The following WASF3 variants were observed in gnomAD, a reference collection of about 807,000 sequenced individuals.
WASF3 encodes WASP family member 3, also known as actin-binding protein WASF3.
A neutral mutation model predicts 46.6 loss-of-function variants in WASF3; 11 were observed. The ratio of observed to expected loss-of-function variants is 0.24; its 90% CI spans 0.15 to 0.39. The LOEUF (loss-of-function observed/expected upper bound fraction) is 0.39, where lower values mean the gene tolerates loss of function less well. Ranked by LOEUF, WASF3 falls within the 10% of genes least tolerant of loss-of-function variation. The pLI is 1.00. For missense variants in WASF3, 576 were observed against 669.8 expected, an observed-to-expected ratio of 0.86 and a Z score of 1.55; for synonymous variants, 242 against 259.7, an observed-to-expected ratio of 0.93 and a Z score of 0.65.
chr13:26,555,963 A>T (rs1014607047), upstream of WASF3, among the ~76,000 whole-genome samples: 1 of 152,234 alleles, frequency 6.6e-6, no homozygotes. Flanking sequence ...ACACAAGACC[A>T]TATTTGAAAT....
At chr13:26,622,173 C>G (rs1449603495) in intron 2 of WASF3, among the ~76,000 whole-genome samples, 1 of 152,154 alleles carries the variant, frequency 6.6e-6, no homozygotes, top group Non-Finnish European at 1.5e-5. Flanking sequence ...TGGCATGCAG[C>G]AATCAGAGCA....
chr13:26,648,697 T>C (rs1882223762), intron 3 of WASF3, among the ~76,000 whole-genome samples: 1 of 152,126 alleles, frequency 6.6e-6, no homozygotes, highest in African/African-American at 2.4e-5. Context: ...ACAGCAAGAA[T>C]TTAAGAATTT....
At chr13:26,595,119 A>G (rs1229750867) in intron 1 of WASF3, among the ~76,000 whole-genome samples, 3 of 152,228 alleles carry the variant, frequency 2.0e-5, no homozygotes, top group Non-Finnish European at 2.9e-5. Context: ...TACCATAAAG[A>G]CTTGCAGAAA....
intron 2 of WASF3, among the ~76,000 whole-genome samples, chr13:26,622,141 C>T (rs1198664451): frequency 6.6e-6 from 1 of 152,180 alleles, no homozygotes; most frequent in African/African-American, 2.4e-5. Context: ...TTAGTGCTAT[C>T]ATGCACTGTG....
chr13:26,553,491 GTT>G (rs1369247996), upstream of WASF3, among the ~76,000 whole-genome samples: 1 of 151,932 alleles, frequency 6.6e-6, no homozygotes, highest in East Asian at 1.9e-4. Context: ...GTATCTTGGT[GTT>G]TGCAATTTGT....
chr13:26,595,357 A>G (rs2137190972), intron 1 of WASF3, among the ~76,000 whole-genome samples: 1 of 152,338 alleles, frequency 6.6e-6, no homozygotes, highest in Non-Finnish European at 1.5e-5. Context: ...TTATATAGTA[A>G]TAATCTCACA....
chr13:26,623,388 A>G (rs770918924), intron 2 of WASF3, among the ~76,000 whole-genome samples: 10 of 152,176 alleles, frequency 6.6e-5, no homozygotes, highest in African/African-American at 9.7e-5. Context: ...CAGGAGGGCA[A>G]TGAAACCTCT....
At chr13:26,624,100 G>T (rs148127561) in intron 2 of WASF3, among the ~76,000 whole-genome samples, 2 of 152,178 alleles carry the variant, frequency 1.3e-5, no homozygotes, top group Non-Finnish European at 2.9e-5. Flanking sequence ...AGACAAAAAA[G>T]GCAAGAAAGA....
At chr13:26,657,454 T>C (rs971551925) in intron 3 of WASF3, among the ~76,000 whole-genome samples, 3 of 152,260 alleles carry the variant, frequency 2.0e-5, no homozygotes, top group African/African-American at 7.2e-5. Context: ...ATCACTTATA[T>C]ATAAACTGTG....
intron 3 of WASF3, among the ~76,000 whole-genome samples, chr13:26,660,803 G>A (rs1377873547): frequency 6.6e-6 from 1 of 152,136 alleles, no homozygotes; most frequent in Non-Finnish European, 1.5e-5. Flanking sequence ...TAAAGGCTGG[G>A]TAACTTAGAA....
intron 1 of WASF3, among the ~76,000 whole-genome samples, chr13:26,597,492 TTTA>T (rs1880505494): frequency 1.3e-5 from 2 of 152,130 alleles, no homozygotes; most frequent in Admixed American, 1.3e-4. Context: ...GTCTTTTTTT[TTTA>T]TTATACTTTA....
rs200360332 is a variant in WASF3, at chr13:26,630,440, GAGA to G, written c.-10-11818_-10-11816del. Among the ~76,000 whole-genome samples, 1,054 of 152,252 alleles carry G rather than the reference GAGA, an allele frequency of 6.9e-3. 9 individuals carry two copies. The highest frequency in any genetic ancestry group is 0.023 in the African/African-American group (976 of 41,556). ...TTTTCTGTCCTTGTGATAGTTTGCT[GAGA>G]AGGATGGTTTCTGGCTTCATCCATA... On this transcript the variant is annotated intron_variant, in intron 2 of 9. Transcript: ENST00000335327.
chr13:26,601,106 G>A (rs923852408), intron 1 of WASF3, among the ~76,000 whole-genome samples: 1 of 152,142 alleles, frequency 6.6e-6, no homozygotes, highest in Non-Finnish European at 1.5e-5. Flanking sequence ...AAAAATTGCT[G>A]ATTACTTTTG....
chr13:26,637,143 G>A (rs942551034), intron 2 of WASF3, among the ~76,000 whole-genome samples: 1 of 152,148 alleles, frequency 6.6e-6, no homozygotes, highest in Non-Finnish European at 1.5e-5. Context: ...GCTGGAATTC[G>A]TATTTTGTTA....
chr13:26,546,738 A>C, the WASF3 span, among the ~76,000 whole-genome samples: 1 of 152,144 alleles, frequency 6.6e-6, no homozygotes. Context: ...AAAAGTAAAA[A>C]CAAACAACAA....
upstream of WASF3, among the ~76,000 whole-genome samples, chr13:26,556,928 AGCTTTTCTATCTTG>A (rs1384493195): frequency 6.6e-6 from 1 of 152,108 alleles, no homozygotes; most frequent in Non-Finnish European, 1.5e-5. Flanking sequence ...TTTGTGACCT[AGCTTTTCTATCTTG>A]GCTTTTCTAT....
At chr13:26,657,844 A>T (rs1309174753) in intron 3 of WASF3, among the ~76,000 whole-genome samples, 1 of 152,246 alleles carries the variant, frequency 6.6e-6, no homozygotes, top group African/African-American at 2.4e-5. Context: ...CAGAAAATAT[A>T]GCTCTTTCCA....
intron 2 of WASF3, among the ~76,000 whole-genome samples, chr13:26,621,185 T>G (rs1433541607): frequency 2.0e-5 from 3 of 152,196 alleles, no homozygotes; most frequent in African/African-American, 7.2e-5. Context: ...AATGTAGTGC[T>G]TATCACACTG....
At chr13:26,635,193 C>CT (rs1881781139) in intron 2 of WASF3, among the ~76,000 whole-genome samples, 1 of 151,868 alleles carries the variant, frequency 6.6e-6, no homozygotes, top group Admixed American at 6.6e-5. Context: ...TTTCTTTTTA[C>CT]TTTTTTTCTC....
Sources: gnomAD v4.1 joint callset for allele counts (sites outside exome capture counted in the v4.1 genomes callset) on GRCh38, gnomAD v4.1.1 for gene constraint, MANE v1.5 for transcripts, NCBI Gene and HGNC (gene_info 2026-07-23, HGNC 2026-07-21) for gene names.